The following C19orf47 variants were observed in gnomAD, a reference collection of about 807,000 sequenced individuals.
The protein encoded by C19orf47 is uncharacterized protein C19orf47.
Under a neutral mutation model 32.3 loss-of-function variants are expected in C19orf47, and 18 were observed. The ratio of observed to expected loss-of-function variants is 0.56; its 90% CI spans 0.39 to 0.83. C19orf47 has a LOEUF of 0.83. Among genes scored for constraint, C19orf47 ranks in the 40% least tolerant of loss-of-function variants. The probability of loss-of-function intolerance (pLI) is 0.00; values close to 1 mark genes in which losing one functional copy is unlikely to be tolerated. For synonymous variants in C19orf47, 202 were observed against 211.1 expected (o/e 0.96, Z 0.37); for missense variants, 484 against 531.6 (o/e 0.91, Z 0.88).
At chr19:40,337,537 T>C (rs1297685931) in intron 2 of C19orf47, among the ~76,000 whole-genome samples, 1 of 152,104 alleles carries the variant, frequency 6.6e-6, no homozygotes, top group Non-Finnish European at 1.5e-5. Context: ...ATCTACTTCA[T>C]GACTGACAGT....
chr19:40,294,035 G>A, the C19orf47 span, among the ~76,000 whole-genome samples: 2 of 152,018 alleles, frequency 1.3e-5, no homozygotes, highest in Non-Finnish European at 1.5e-5. Context: ...CAGGAGAATC[G>A]CTTGAACCTG....
At chr19:40,309,546 A>G in the C19orf47 span, among the ~76,000 whole-genome samples, 1 of 152,032 alleles carries the variant, frequency 6.6e-6, no homozygotes, top group East Asian at 1.9e-4. Context: ...TTTTTGCATC[A>G]TTTGAGTGTC....
At chr19:40,301,985 C>A in the C19orf47 span, among the ~76,000 whole-genome samples, 1 of 151,502 alleles carries the variant, frequency 6.6e-6, no homozygotes, top group African/African-American at 2.4e-5. Flanking sequence ...CATGGAGAAA[C>A]CCCATCTCTA....
At chr19:40,308,022 C>A in the C19orf47 span, among the ~76,000 whole-genome samples, 9 of 151,950 alleles carry the variant, frequency 5.9e-5, no homozygotes, top group African/African-American at 2.2e-4. Flanking sequence ...ACTTGTGGAT[C>A]ACACAGCTGT....
chr19:40,341,542 A>G (rs952729094), intron 2 of C19orf47, among the ~76,000 whole-genome samples: 1 of 152,160 alleles, frequency 6.6e-6, no homozygotes, highest in Non-Finnish European at 1.5e-5. Flanking sequence ...GGATGTGTGA[A>G]TATCATTTCC....
At chr19:40,324,150 A>C in intron 7 of C19orf47, 74 bp from the exon 8 acceptor site, 1 of 1,433,252 alleles carries the variant, frequency 7.0e-7, no homozygotes, top group Non-Finnish European at 9.8e-7. Context: ...ACAGACACCA[A>C]GGCAGCCCAG....
At chr19:40,316,989 A>G (rs756239991), downstream of C19orf47, among the ~76,000 whole-genome samples, 17 of 152,136 alleles carry the variant, frequency 1.1e-4, no homozygotes, top group Non-Finnish European at 2.5e-4. Context: ...GAAAGATTAC[A>G]CAAGAAATTG....
At chr19:40,312,692 A>AT in the C19orf47 span, among the ~76,000 whole-genome samples, 10 of 152,174 alleles carry the variant, frequency 6.6e-5, no homozygotes, top group African/African-American at 2.2e-4. Context: ...TGGGCCCCAG[A>AT]TAAGTGCCAG....
intron 2 of C19orf47, among the ~76,000 whole-genome samples, chr19:40,341,613 T>C (rs2078178943): frequency 6.6e-6 from 1 of 152,150 alleles, no homozygotes; most frequent in South Asian, 2.1e-4. Context: ...CTGGACTTCA[T>C]AACCCACGTT....
intron 7 of C19orf47, 124 bp from the exon 8 acceptor site, chr19:40,324,200 G>T (rs906418324): frequency 6.2e-5 from 57 of 920,480 alleles, no homozygotes; most frequent in Non-Finnish European, 1.8e-6. Context: ...AGACTGTGCT[G>T]AGTTGGGTGT....
chr19:40,322,000 G>A lies in C19orf47; in HGVS notation c.1040C>T (p.Thr347Ile). ...GGGCCCCACCAGAGTCCTCTTAATGGTGACCTTGACCTCGGCTGAGGACTT... is the reference window on the plus strand; with the variant it reads ...GGGCCCCACCAGAGTCCTCTTAATGATGACCTTGACCTCGGCTGAGGACTT... The part of the protein sequence containing the change: ...KSKSSAEVKV[T>I]IKRTLVGPRG... The change falls in exon 9 of 9, where the codon ACC (threonine) becomes ATC (isoleucine). Residue 347 changes from threonine (T) to isoleucine (I), a missense_variant. Thr to Ile is a moderately conservative substitution (Grantham distance 89). Coordinates refer to ENST00000683109, the MANE Select transcript of C19orf47 (RefSeq NM_001256441.2). 1 of 1,614,070 alleles carries A rather than the reference G, an allele frequency of 6.2e-7. No homozygotes were observed. The highest frequency in any genetic ancestry group is 8.5e-7 in the Non-Finnish European group (1 of 1,179,968).
intron 2 of C19orf47, among the ~76,000 whole-genome samples, chr19:40,337,390 T>G (rs2078086989): frequency 6.6e-6 from 1 of 151,526 alleles, no homozygotes; most frequent in Middle Eastern, 3.2e-3. Flanking sequence ...CTATGAAACT[T>G]TATTCTTTCT....
chr19:40,347,020 A>T (rs2078311769), intron 1 of C19orf47, among the ~76,000 whole-genome samples: 1 of 152,202 alleles, frequency 6.6e-6, no homozygotes, highest in South Asian at 2.1e-4. Flanking sequence ...GCTGGGAACA[A>T]GTATAAGGAC....
At chr19:40,347,513 C>T (rs2078334823) in intron 1 of C19orf47, among the ~76,000 whole-genome samples, 1 of 151,164 alleles carries the variant, frequency 6.6e-6, no homozygotes, top group Non-Finnish European at 1.5e-5. Flanking sequence ...GCCTGGGCAA[C>T]AAGAGCGAAA....
intron 2 of C19orf47, chr19:40,339,006 T>G (rs2078125446): frequency 6.6e-6 from 1 of 152,298 alleles, no homozygotes; most frequent in Admixed American, 6.6e-5. Flanking sequence ...CCACGTAGGT[T>G]GGGGGTAGCT....
At chr19:40,334,105 T>C (rs1447729431) in intron 4 of C19orf47, among the ~76,000 whole-genome samples, 176 bp from the exon 5 acceptor site, 2 of 152,180 alleles carry the variant, frequency 1.3e-5, no homozygotes, top group Non-Finnish European at 2.9e-5. Flanking sequence ...CTATAAAATA[T>C]CTGACCAGTA....
chr19:40,311,845 C>T, the C19orf47 span, among the ~76,000 whole-genome samples: 18 of 152,108 alleles, frequency 1.2e-4, no homozygotes, highest in Non-Finnish European at 2.5e-4. Context: ...TTAGTAGAGA[C>T]AGGGTTTCAC....
the C19orf47 span, among the ~76,000 whole-genome samples, chr19:40,307,177 C>T: frequency 4.0e-5 from 6 of 149,348 alleles, no homozygotes; most frequent in Admixed American, 2.0e-4. Flanking sequence ...CTCACTGCAA[C>T]CTCTGCCTCC....
Sources: allele counts gnomAD v4.1 joint callset (sites outside exome capture counted in the v4.1 genomes callset), GRCh38; gene constraint gnomAD v4.1.1; transcripts MANE v1.5; gene names NCBI Gene and HGNC (gene_info 2026-07-23, HGNC 2026-07-21).